Variants in DEPDC4 observed in about 807,000 individuals in gnomAD.
DEPDC4 encodes DEP domain containing 4.
A neutral mutation model predicts 52.0 loss-of-function variants in DEPDC4; 52 were observed. The observed-to-expected ratio is 1.00, with a 90% CI of 0.80 to 1.26. The LOEUF is 1.26. Ranked by LOEUF, DEPDC4 falls within the 50% of genes most tolerant of loss-of-function variation. DEPDC4 has a pLI of 0.00. For missense variants in DEPDC4, 530 were observed against 546.9 expected (o/e 0.97, Z 0.31); for synonymous variants, 201 against 196.8 (o/e 1.02, Z -0.18).
chr12:100,272,955 A>G, the DEPDC4 span, among the ~76,000 whole-genome samples: 22 of 152,160 alleles, frequency 1.4e-4, no homozygotes, highest in Non-Finnish European at 3.1e-4. Context: ...TCTCTTCTCT[A>G]TCTTCCTTGA....
At chr12:100,266,457 A>G (rs959504616) in intron 1 of DEPDC4, among the ~76,000 whole-genome samples, 1 of 152,140 alleles carries the variant, frequency 6.6e-6, no homozygotes, top group South Asian at 2.1e-4. Context: ...TTTTCCATAG[A>G]CAGTCTACCT....
At position 100,240,269 on chromosome 12, in the gene DEPDC4, C is replaced by T. The variant is rs181016272; in HGVS notation, c.*1623G>A. On this transcript the variant is annotated 3_prime_UTR_variant, in exon 10 of 10. Transcript: ENST00000550587. Reference sequence around the variant, plus strand: ...TCCTGGGCTCAAGAGATCCTCCCACCTCAGCCTCCTGAGTAGCTGGGACTA... The same window carrying T: ...TCCTGGGCTCAAGAGATCCTCCCACTTCAGCCTCCTGAGTAGCTGGGACTA... 2.3e-3 allele frequency among the ~76,000 whole-genome samples: 344 copies of T among 152,296 alleles called. 1 individual carries two copies. Among genetic ancestry groups the T allele is most frequent in the African/African-American group, 7.7e-3 (319 of 41,566 alleles).
At chr12:100,253,413 CA>C in intron 5 of DEPDC4, 75 bp downstream of exon 5, 1 of 575,278 alleles carries the variant, frequency 1.7e-6, no homozygotes, top group South Asian at 1.9e-5. Flanking sequence ...ATAGTATACA[CA>C]ATTTTCTATT....
chr12:100,241,496 G>A lies in DEPDC4; in HGVS notation c.*396C>T, dbSNP rs997390951. 6 of 274,154 alleles carry A rather than the reference G, an allele frequency of 2.2e-5. No individual in the cohort carries two copies. Among genetic ancestry groups the A allele is most frequent in the African/African-American group, 4.6e-5 (2 of 43,278 alleles). 17.0% of individuals were successfully genotyped at this position (274,154 alleles called of 1,614,324 possible). On this transcript the variant is annotated 3_prime_UTR_variant, in exon 10 of 10. Coordinates refer to ENST00000550587, the MANE Select transcript of DEPDC4 (RefSeq NM_001364818.2). ...GAGGATGACTTGAGGCCAGGAGTTC[G>A]AGACCAGCCTGGGCAACATAATAGG...
In DEPDC4 at chr12:100,259,070, C is replaced by CAA. The variant is rs753948687; in HGVS notation, c.701-2846_701-2845dup. On this transcript the variant is annotated intron_variant, in intron 3 of 9. Transcript: ENST00000550587. ...TGGGCGACAGGGCAAAAATCTGTCT[C>CAA]AAAAAAAAAAAATATATATATATAT... Among the ~76,000 whole-genome samples the CAA allele has an allele frequency of 2.9e-3, 357 of 121,708 alleles. 6 individuals are homozygous for CAA. The East Asian group carries it at 0.035, about 12-fold the overall frequency. 79.8% of individuals were successfully genotyped at this position (121,708 alleles called of 152,430 possible).
intron 9 of DEPDC4, among the ~76,000 whole-genome samples, chr12:100,232,531 T>C (rs1321591705): frequency 1.9e-4 from 29 of 152,190 alleles, no homozygotes; most frequent in Admixed American, 1.9e-3. Context: ...AAAGGCGTCA[T>C]TGTGTAACAA....
At chr12:100,239,351 C>T (rs887582253), downstream of DEPDC4, among the ~76,000 whole-genome samples, 10 of 151,836 alleles carry the variant, frequency 6.6e-5, 1 homozygote, top group African/African-American at 9.7e-5. Context: ...GCTGGGATTA[C>T]AGATGTGAGC....
At chr12:100,281,272 A>G in the DEPDC4 span, among the ~76,000 whole-genome samples, 4 of 151,736 alleles carry the variant, frequency 2.6e-5, no homozygotes, top group African/African-American at 7.2e-5. Context: ...CAAGTGATCC[A>G]CCTCCATCAG....
chr12:100,238,368 C>G (rs1298346615), downstream of DEPDC4, among the ~76,000 whole-genome samples: 1 of 152,034 alleles, frequency 6.6e-6, no homozygotes, highest in Non-Finnish European at 1.5e-5. Context: ...CCATGTTGGC[C>G]AGGCTGGTCT....
the DEPDC4 span, among the ~76,000 whole-genome samples, chr12:100,274,028 A>G: frequency 6.6e-6 from 1 of 152,230 alleles, no homozygotes; most frequent in African/African-American, 2.4e-5. Flanking sequence ...TGGCATAGCC[A>G]GTAAATGTTT....
intron 3 of DEPDC4, among the ~76,000 whole-genome samples, chr12:100,258,343 A>G (rs1188722344): frequency 6.6e-6 from 1 of 152,202 alleles, no homozygotes; most frequent in Non-Finnish European, 1.5e-5. Flanking sequence ...TATACAAATT[A>G]GAGGACTAGT....
At chr12:100,246,893 CG>C (rs2096187950) in intron 8 of DEPDC4, among the ~76,000 whole-genome samples, 1 of 151,686 alleles carries the variant, frequency 6.6e-6, no homozygotes, top group African/African-American at 2.4e-5. Context: ...AGCCGAGATG[CG>C]CCATTGCACT....
chr12:100,266,815 A>G, intron 1 of DEPDC4, 105 bp downstream of exon 1: 6 of 1,415,002 alleles, frequency 4.2e-6, no homozygotes, highest in East Asian at 2.4e-5. Flanking sequence ...GGGCTAGGAA[A>G]TGGGCGGGGC....
chr12:100,252,155 C>G, intron 7 of DEPDC4, 21 bp downstream of exon 7: 1 of 1,150,578 alleles, frequency 8.7e-7, no homozygotes, highest in South Asian at 2.1e-5. Context: ...TAAATGTGCC[C>G]AGGCAAAATG....
downstream of DEPDC4, among the ~76,000 whole-genome samples, chr12:100,235,696 T>C (rs1003259316): frequency 6.6e-6 from 1 of 152,096 alleles, no homozygotes; most frequent in Non-Finnish European, 1.5e-5. Flanking sequence ...TATCTCAGCC[T>C]CCCAAGTAGC....
In DEPDC4 at chr12:100,240,156, T is replaced by A. The variant is rs2096152724; in HGVS notation, c.*1736A>T. On this transcript the variant is annotated 3_prime_UTR_variant, in exon 10 of 10. Transcript: ENST00000550587. ...ATAAATTAAGATGACCACAAAATAC[T>A]TTTTTCCTTCTTTTTTTTGAGACAG... Among the ~76,000 whole-genome samples the A allele has an allele frequency of 6.6e-6, 1 of 152,116 alleles. No homozygotes were observed. Among genetic ancestry groups the A allele is most frequent in the Non-Finnish European group, 1.5e-5 (1 of 68,034 alleles).
chr12:100,239,113 A>C (rs897375645), downstream of DEPDC4, among the ~76,000 whole-genome samples: 1 of 151,906 alleles, frequency 6.6e-6, no homozygotes, highest in Non-Finnish European at 1.5e-5. Flanking sequence ...GTCTCTCCCT[A>C]TTGCTGAGGC....
At chr12:100,234,353 T>A (rs77867197) in intron 9 of DEPDC4, among the ~76,000 whole-genome samples, 3,665 of 152,192 alleles carry the variant, frequency 0.024, 90 homozygotes, top group African/African-American at 0.059. Flanking sequence ...GGAAAATTAC[T>A]CAGAGAAAAA....
At chr12:100,281,312 A>T in the DEPDC4 span, among the ~76,000 whole-genome samples, 1 of 152,136 alleles carries the variant, frequency 6.6e-6, no homozygotes, top group South Asian at 2.1e-4. Context: ...TACAAGCCTG[A>T]ATGCTTCTTT....
Sources: allele counts gnomAD v4.1 joint callset (sites outside exome capture counted in the v4.1 genomes callset), GRCh38; gene constraint gnomAD v4.1.1; transcripts MANE v1.5; gene names NCBI Gene and HGNC (gene_info 2026-07-23, HGNC 2026-07-21).